FHIT: variants seen among roughly 807,000 people sequenced by gnomAD.
FHIT encodes the protein fragile histidine triad diadenosine triphosphatase.
Under a neutral mutation model 17.9 loss-of-function variants are expected in FHIT, and 19 were observed. That is an observed-to-expected ratio of 1.06 (90% CI 0.74 to 1.56). The LOEUF is 1.56. FHIT is among the 40% of genes most tolerant of loss of function. The pLI is 0.00. For synonymous variants in FHIT, 81 were observed against 69.7 expected (o/e 1.16, Z -0.81); for missense variants, 248 against 189.2 (o/e 1.31, Z -1.82).
chr3:60,648,668 T>C (rs1342036622), intron 4 of FHIT, among the ~76,000 whole-genome samples: 1 of 152,126 alleles, frequency 6.6e-6, no homozygotes. Context: ...GGCAAAACAC[T>C]CCTGTTGCTT....
chr3:60,164,894 T>A (rs1882904), intron 5 of FHIT, among the ~76,000 whole-genome samples: 47,536 of 152,102 alleles, frequency 0.31, 8,228 homozygotes, highest in East Asian at 0.7. Flanking sequence ...GGCTCTGTCC[T>A]GTTGGCATAC....
chr3:60,606,605 G>T (rs2038616670), intron 4 of FHIT, among the ~76,000 whole-genome samples: 1 of 152,100 alleles, frequency 6.6e-6, no homozygotes, highest in Non-Finnish European at 1.5e-5. Flanking sequence ...TTAGGATAGT[G>T]AATTGGGTGC....
chr3:61,217,881 G>A (rs1015264211), intron 1 of FHIT, among the ~76,000 whole-genome samples: 1 of 152,172 alleles, frequency 6.6e-6, no homozygotes, highest in South Asian at 2.1e-4. Context: ...TTTAAAATAT[G>A]TTTGAAAATT....
At chr3:60,755,531 A>T (rs1486743513) in intron 4 of FHIT, among the ~76,000 whole-genome samples, 1 of 152,234 alleles carries the variant, frequency 6.6e-6, no homozygotes, top group African/African-American at 2.4e-5. Flanking sequence ...TCTACAAAAC[A>T]TGAAGCTGAC....
intron 3 of FHIT, among the ~76,000 whole-genome samples, chr3:60,823,135 T>C (rs1553739871): frequency 6.6e-6 from 1 of 152,154 alleles, no homozygotes; most frequent in African/African-American, 2.4e-5. Flanking sequence ...GCAGTGAACA[T>C]AATAGTCCAA....
chr3:60,372,295 G>A (rs1222700186), intron 5 of FHIT, among the ~76,000 whole-genome samples: 1 of 152,062 alleles, frequency 6.6e-6, no homozygotes, highest in Non-Finnish European at 1.5e-5. Flanking sequence ...CCTGAGCATA[G>A]AGCACCACCC....
At chr3:60,451,161 A>T (rs200411203) in intron 5 of FHIT, among the ~76,000 whole-genome samples, 197 of 93,770 alleles carry the variant, frequency 2.1e-3, no homozygotes, top group African/African-American at 8.6e-3. Context: ...TTTTTACTTT[A>T]TTTTTTTTAA....
chr3:61,104,965 G>C (rs1007087303), intron 2 of FHIT, among the ~76,000 whole-genome samples: 2 of 151,980 alleles, frequency 1.3e-5, no homozygotes, highest in Non-Finnish European at 1.5e-5. Flanking sequence ...GTCACCTACT[G>C]AATTGTTTTA....
intron 8 of FHIT, among the ~76,000 whole-genome samples, chr3:59,905,774 G>A (rs1356676589): frequency 6.6e-6 from 1 of 152,112 alleles, no homozygotes; most frequent in Non-Finnish European, 1.5e-5. Flanking sequence ...TCCTGTGACA[G>A]AAGAACAAAA....
intron 5 of FHIT, among the ~76,000 whole-genome samples, chr3:60,143,247 T>C (rs930770052): frequency 3.3e-5 from 5 of 152,156 alleles, no homozygotes; most frequent in African/African-American, 1.2e-4. Context: ...TATCCACACC[T>C]GTATATGGCC....
At chr3:60,703,635 T>C (rs9881065) in intron 4 of FHIT, among the ~76,000 whole-genome samples, 17,701 of 152,164 alleles carry the variant, frequency 0.12, 2,286 homozygotes, top group African/African-American at 0.32. Flanking sequence ...TTATCTCAAG[T>C]TTTGATATAA....
At chr3:60,261,290 C>G (rs1706284237) in intron 5 of FHIT, among the ~76,000 whole-genome samples, 1 of 151,952 alleles carries the variant, frequency 6.6e-6, no homozygotes, top group South Asian at 2.1e-4. Flanking sequence ...TTCCCAGTAA[C>G]ATATCCACGA....
chr3:60,802,490 A>G (rs2106669925), intron 4 of FHIT, among the ~76,000 whole-genome samples: 2 of 152,380 alleles, frequency 1.3e-5, no homozygotes, highest in South Asian at 4.1e-4. Flanking sequence ...TTAAATGGGC[A>G]TTTAAAGAAA....
chr3:60,475,639 ATGGGCC>A (rs2033308258), intron 5 of FHIT, among the ~76,000 whole-genome samples: 2 of 152,216 alleles, frequency 1.3e-5, no homozygotes. Context: ...TGTCAACTTC[ATGGGCC>A]TGGGCCAATC....
intron 8 of FHIT, among the ~76,000 whole-genome samples, chr3:59,885,990 T>C (rs2106979383): frequency 6.6e-6 from 1 of 152,290 alleles, no homozygotes; most frequent in East Asian, 1.9e-4. Context: ...AGGAGGGTTA[T>C]GGGATCAAGG....
chr3:60,823,075 A>C (rs1044777015), intron 3 of FHIT, among the ~76,000 whole-genome samples: 7 of 152,226 alleles, frequency 4.6e-5, no homozygotes, highest in African/African-American at 1.7e-4. Flanking sequence ...TCATTCATTT[A>C]ACAAGTATTT....
At chr3:59,998,111 A>G (rs1204782189) in intron 7 of FHIT, among the ~76,000 whole-genome samples, 1 of 152,118 alleles carries the variant, frequency 6.6e-6, no homozygotes, top group African/African-American at 2.4e-5. Context: ...AATCTGCTTT[A>G]TCTTTGTGCA....
At chr3:59,770,055 T>TAAAC (rs1208651146) in intron 8 of FHIT, among the ~76,000 whole-genome samples, 1 of 152,034 alleles carries the variant, frequency 6.6e-6, no homozygotes, top group African/African-American at 2.4e-5. Context: ...AAAACAAAAC[T>TAAAC]AAACAAAACA....
chr3:60,968,331 T>A (rs959384349), intron 3 of FHIT, among the ~76,000 whole-genome samples: 2 of 152,116 alleles, frequency 1.3e-5, no homozygotes, highest in Admixed American at 6.5e-5. Flanking sequence ...AATATAATGA[T>A]GAATAAAAAT....
Sources: allele counts gnomAD v4.1 joint callset (sites outside exome capture counted in the v4.1 genomes callset), GRCh38; gene constraint gnomAD v4.1.1; transcripts MANE v1.5; gene names NCBI Gene and HGNC (gene_info 2026-07-23, HGNC 2026-07-21).